KLRG1: variants seen among roughly 807,000 people sequenced by gnomAD.
KLRG1 encodes killer cell lectin-like receptor subfamily G member 1.
Under a neutral mutation model 21.8 loss-of-function variants are expected in KLRG1, and 16 were observed. The observed-to-expected ratio is 0.73, with a 90% confidence interval of 0.50 to 1.11. KLRG1 has a LOEUF of 1.11. Among genes scored for constraint, KLRG1 ranks in the 50% most tolerant of loss-of-function variants. KLRG1 has a pLI of 0.00. For synonymous variants in KLRG1, 69 were observed against 75.9 expected (o/e 0.91, Z 0.47); for missense variants, 173 against 218.3 (o/e 0.79, Z 1.31).
chr12:9,197,713 TACATAATATATATAATTATATATTATAC>T, the KLRG1 span, among the ~76,000 whole-genome samples: 1 of 86,912 alleles, frequency 1.2e-5, no homozygotes, highest in Non-Finnish European at 2.0e-5. Context: ...TATTATACAA[TACATAATATATATAATTATATATTATAC>T]AATACATAAT....
At chr12:8,967,178 A>C (rs867383006) in intron 1 of KLRG1, among the ~76,000 whole-genome samples, 53 of 101,204 alleles carry the variant, frequency 5.2e-4, no homozygotes, top group African/African-American at 2.0e-3. Context: ...CACACCGGGG[A>C]CTGTTGTGGG....
At chr12:9,014,755 G>A (rs144820188), downstream of KLRG1, among the ~76,000 whole-genome samples, 17 of 151,550 alleles carry the variant, frequency 1.1e-4, no homozygotes, top group East Asian at 3.1e-3. Context: ...CATATCTTGA[G>A]TAGAAAGACT....
intron 1 of KLRG1, among the ~76,000 whole-genome samples, chr12:8,958,276 A>G (rs1233188238): frequency 6.6e-6 from 1 of 151,858 alleles, no homozygotes; most frequent in Non-Finnish European, 1.5e-5. Flanking sequence ...TGGATATATA[A>G]TGACTTCCTA....
chr12:9,008,984 CAA>C lies in KLRG1; in HGVS notation c.368_369del (p.Gln123ArgfsTer5). 6.2e-7 allele frequency: 1 copy of C among 1,613,226 alleles called. No homozygotes were observed. Among genetic ancestry groups the C allele is most frequent in the Non-Finnish European group, 8.5e-7 (1 of 1,179,564 alleles). ...TCAACCTCTCCCTTAGAGCCTGCTC[CAA>C]GTTTTCCTCAGTGAGGCCTTTTGCT... is the stretch of plus-strand genomic sequence containing the variant. ...ITDNQEMSLL[Q>X]VFLSEAFCWI... On this transcript the variant is annotated frameshift_variant, in exon 4 of 5. Transcript: ENST00000356986. LOFTEE classifies it high-confidence loss of function.
chr12:9,161,079 T>C, the KLRG1 span: 3 of 1,603,786 alleles, frequency 1.9e-6, no homozygotes, highest in East Asian at 6.7e-5. Flanking sequence ...CCACATTTGA[T>C]GGGAGCTTCA....
the KLRG1 span, chr12:9,029,029 A>G: frequency 8.7e-6 from 5 of 576,532 alleles, no homozygotes; most frequent in African/African-American, 7.5e-5. Context: ...TCAAAGCTCA[A>G]CCATCCAATG....
Position 9,009,704 on chromosome 12 carries a change from A to G in KLRG1, c.*167A>G. On this transcript the variant is annotated 3_prime_UTR_variant, in exon 5 of 5. Coordinates refer to ENST00000356986, the MANE Select transcript of KLRG1 (RefSeq NM_005810.4). ...CCTCCTAGGGATTGATGCCTAACTG[A>G]TGGATTCTCTTTGAGACTATTTAGA... The G allele has an allele frequency of 2.8e-6, 4 of 1,426,716 alleles. No homozygotes were observed. Among genetic ancestry groups the G allele is most frequent in the Non-Finnish European group, 3.7e-6 (4 of 1,095,074 alleles). The allele number at this position is 1,426,716 out of a possible 1,614,324, so 88.4% of individuals were successfully genotyped here.
At chr12:9,109,921 C>T in the KLRG1 span, 3 of 1,613,722 alleles carry the variant, frequency 1.9e-6, no homozygotes, top group African/African-American at 4.0e-5. Context: ...TTCTTCTGTA[C>T]CACCACCTTG....
At chr12:9,161,130 C>G in the KLRG1 span, 1 of 1,535,234 alleles carries the variant, frequency 6.5e-7, no homozygotes, top group Non-Finnish European at 8.9e-7. Context: ...TAGAAACAGA[C>G]AGCCCATGTT....
At chr12:9,068,652 T>C in the KLRG1 span, 1 of 1,026,544 alleles carries the variant, frequency 9.7e-7, no homozygotes, top group African/African-American at 1.6e-5. Context: ...AATTACTTAA[T>C]GTAATAAATA....
chr12:9,141,169 A>G, the KLRG1 span, among the ~76,000 whole-genome samples: 1 of 152,202 alleles, frequency 6.6e-6, no homozygotes, highest in African/African-American at 2.4e-5. Flanking sequence ...ATTATTACTG[A>G]TAACGTACAC....
chr12:8,960,610 G>T (rs180852635), intron 1 of KLRG1, among the ~76,000 whole-genome samples: 45 of 152,266 alleles, frequency 3.0e-4, no homozygotes, highest in African/African-American at 1.0e-3. Flanking sequence ...TCCATGGATT[G>T]TTCACATTTT....
intron 1 of KLRG1, among the ~76,000 whole-genome samples, chr12:8,953,665 C>T (rs947283075): frequency 1.3e-5 from 2 of 152,014 alleles, no homozygotes; most frequent in Non-Finnish European, 2.9e-5. Context: ...GATAGAAATG[C>T]AAGGGAAGTG....
At chr12:9,084,049 CAAAAAT>C in the KLRG1 span, among the ~76,000 whole-genome samples, 4 of 151,938 alleles carry the variant, frequency 2.6e-5, no homozygotes, top group Non-Finnish European at 5.9e-5. Flanking sequence ...TGAAGGAAAA[CAAAAAT>C]AAAAACAACA....
At chr12:9,106,259 G>A in the KLRG1 span, 1 of 1,611,712 alleles carries the variant, frequency 6.2e-7, no homozygotes, top group South Asian at 1.1e-5. Flanking sequence ...GGAATTCCCT[G>A]TCGAAAGTGT....
Position 9,009,686 on chromosome 12 carries a change from G to C in KLRG1, c.*149G>C. Reference sequence around the variant, plus strand: ...GCATTAGATGCAAGACAACCTCCTAGGGATTGATGCCTAACTGATGGATTC... The same window carrying C: ...GCATTAGATGCAAGACAACCTCCTACGGATTGATGCCTAACTGATGGATTC... On this transcript the variant is annotated 3_prime_UTR_variant, in exon 5 of 5. Transcript: ENST00000356986. 7.0e-7 allele frequency: 1 copy of C among 1,433,740 alleles called. No homozygotes were observed. The highest frequency in any genetic ancestry group is 9.1e-7 in the Non-Finnish European group (1 of 1,098,220). 88.8% of individuals were successfully genotyped at this position (1,433,740 alleles called of 1,614,324 possible).
At chr12:9,160,457 T>A in the KLRG1 span, 1 of 1,613,966 alleles carries the variant, frequency 6.2e-7, no homozygotes, top group Non-Finnish European at 8.5e-7. Flanking sequence ...GAGGAGATTT[T>A]GTATATTTTG....
At chr12:9,194,745 T>A in the KLRG1 span, among the ~76,000 whole-genome samples, 2,006 of 152,238 alleles carry the variant, frequency 0.013, 40 homozygotes, top group African/African-American at 0.046. Context: ...ATTACAGGCG[T>A]GAGCCACCGT....
chr12:9,172,506 G>A, the KLRG1 span, among the ~76,000 whole-genome samples: 4 of 152,128 alleles, frequency 2.6e-5, no homozygotes, highest in African/African-American at 9.7e-5. Flanking sequence ...ATGTAAATGG[G>A]CTAAATGCTC....
Sources: allele counts gnomAD v4.1 joint callset (sites outside exome capture counted in the v4.1 genomes callset), GRCh38; gene constraint gnomAD v4.1.1; transcripts MANE v1.5; gene names NCBI Gene and HGNC (gene_info 2026-07-23, HGNC 2026-07-21).